The following ARK2C variants were observed in gnomAD, a reference collection of about 807,000 sequenced individuals.
ARK2C encodes E3 ubiquitin-protein ligase ARK2C.
the ARK2C span, among the ~76,000 whole-genome samples, chr18:46,444,898 G>T: frequency 6.6e-6 from 1 of 152,050 alleles, no homozygotes; most frequent in Non-Finnish European, 1.5e-5. Flanking sequence ...ATCTCTAGAA[G>T]TTCCATTGGC....
the ARK2C span, among the ~76,000 whole-genome samples, chr18:46,400,708 G>T: frequency 1.3e-5 from 2 of 152,134 alleles, no homozygotes; most frequent in Non-Finnish European, 1.5e-5. Flanking sequence ...ACAGCCTGTC[G>T]GGAAGCCTCT....
the ARK2C span, among the ~76,000 whole-genome samples, chr18:46,440,313 A>AT: frequency 1.4e-3 from 206 of 152,080 alleles, 4 homozygotes; most frequent in African/African-American, 4.8e-3. Context: ...TTCACATAAC[A>AT]TTTTTTGCAG....
At chr18:46,397,919 G>C in the ARK2C span, among the ~76,000 whole-genome samples, 1 of 147,302 alleles carries the variant, frequency 6.8e-6, no homozygotes, top group Non-Finnish European at 1.5e-5. Context: ...CATGTGGTGT[G>C]TGTGTGATGA....
At chr18:46,369,197 A>C in the ARK2C span, among the ~76,000 whole-genome samples, 1 of 152,214 alleles carries the variant, frequency 6.6e-6, no homozygotes, top group East Asian at 1.9e-4. Flanking sequence ...AGCTTGTTGT[A>C]TCTAGAAGCA....
the ARK2C span, among the ~76,000 whole-genome samples, chr18:46,351,601 C>T: frequency 6.6e-6 from 1 of 152,182 alleles, no homozygotes; most frequent in Non-Finnish European, 1.5e-5. Context: ...CAGAAATATC[C>T]GCTCATGAGG....
the ARK2C span, chr18:46,450,866 T>C: frequency 8.5e-7 from 1 of 1,183,356 alleles, no homozygotes. Flanking sequence ...TAATTGACTC[T>C]GGCCTGGTTG....
chr18:46,335,789 C>A, the ARK2C span: 1 of 582,624 alleles, frequency 1.7e-6, no homozygotes, highest in Non-Finnish European at 2.2e-6. Flanking sequence ...AAAAGGCAAG[C>A]TTGGCCCCCT....
the ARK2C span, among the ~76,000 whole-genome samples, chr18:46,432,951 T>A: frequency 2.1e-4 from 32 of 150,164 alleles, no homozygotes; most frequent in African/African-American, 6.2e-4. Context: ...TCTCAAAAAA[T>A]AAATAAATAA....
the ARK2C span, among the ~76,000 whole-genome samples, chr18:46,368,319 A>T: frequency 6.6e-6 from 1 of 152,234 alleles, no homozygotes; most frequent in South Asian, 2.1e-4. Context: ...TGGTTTAAGC[A>T]CTTACTCTTC....
the ARK2C span, among the ~76,000 whole-genome samples, chr18:46,448,458 G>T: frequency 1.3e-5 from 2 of 152,240 alleles, no homozygotes; most frequent in African/African-American, 4.8e-5. Context: ...GCGTGGCAGG[G>T]TGTGGTCTGT....
At chr18:46,366,756 GC>G in the ARK2C span, among the ~76,000 whole-genome samples, 1 of 152,276 alleles carries the variant, frequency 6.6e-6, no homozygotes, top group African/African-American at 2.4e-5. Context: ...GAGATTATGT[GC>G]ATTCTTTTAT....
chr18:46,376,915 G>A, the ARK2C span, among the ~76,000 whole-genome samples: 1 of 152,032 alleles, frequency 6.6e-6, no homozygotes, highest in South Asian at 2.1e-4. Context: ...CGATCTGCCC[G>A]CCTCGGCATC....
At chr18:46,413,528 T>C in the ARK2C span, among the ~76,000 whole-genome samples, 3 of 152,158 alleles carry the variant, frequency 2.0e-5, no homozygotes, top group African/African-American at 4.8e-5. Flanking sequence ...GACTACGGGA[T>C]AGCAAGTTGT....
At chr18:46,337,153 G>A in the ARK2C span, 1 of 985,074 alleles carries the variant, frequency 1.0e-6, no homozygotes, top group Admixed American at 6.1e-5. Flanking sequence ...CTACTTTGAG[G>A]GCCCTTCCAA....
At chr18:46,390,555 G>C in the ARK2C span, among the ~76,000 whole-genome samples, 1 of 152,114 alleles carries the variant, frequency 6.6e-6, no homozygotes, top group Non-Finnish European at 1.5e-5. Context: ...TAAAGCTTGT[G>C]GAGTTCCAGC....
the ARK2C span, among the ~76,000 whole-genome samples, chr18:46,408,565 C>T: frequency 1.6e-4 from 25 of 152,174 alleles, no homozygotes; most frequent in Admixed American, 1.4e-3. Context: ...CAGCCTGCTG[C>T]GGGGAGGAAG....
chr18:46,374,963 C>T, the ARK2C span, among the ~76,000 whole-genome samples: 1 of 152,154 alleles, frequency 6.6e-6, no homozygotes, highest in Non-Finnish European at 1.5e-5. Context: ...CCTGGCTTCC[C>T]TCCTAAATGT....
the ARK2C span, chr18:46,336,013 C>T: frequency 9.1e-6 from 9 of 985,376 alleles, no homozygotes; most frequent in Non-Finnish European, 9.6e-6. Context: ...ATTTAAGCGG[C>T]AGTATCCCCT....
chr18:46,459,959 T>A, the ARK2C span: 11 of 152,408 alleles, frequency 7.2e-5, no homozygotes, highest in African/African-American at 2.7e-4. Context: ...CCGCCGCGGG[T>A]CCACCGAGGA....
Sources: gnomAD v4.1 joint callset for allele counts (sites outside exome capture counted in the v4.1 genomes callset) on GRCh38, gnomAD v4.1.1 for gene constraint, MANE v1.5 for transcripts, NCBI Gene and HGNC (gene_info 2026-07-23, HGNC 2026-07-21) for gene names.